The following SLC38A1 variants were observed in gnomAD, a reference collection of about 807,000 sequenced individuals.
SLC38A1 encodes the protein sodium-coupled neutral amino acid symporter 1.
Under a neutral mutation model 60.3 loss-of-function variants are expected in SLC38A1, and 18 were observed. The observed-to-expected ratio is 0.30, with a 90% CI of 0.21 to 0.44. The LOEUF (loss-of-function observed/expected upper bound fraction) is 0.44, where lower values mean the gene tolerates loss of function less well. SLC38A1 is among the 20% of genes least tolerant of loss of function. The pLI, the probability that SLC38A1 is intolerant of heterozygous loss-of-function variation, is 1.00. For missense variants in SLC38A1, 448 were observed against 587.2 expected (o/e 0.76, Z 2.45); for synonymous variants, 196 against 212.1 (o/e 0.92, Z 0.66).
rs993650361 is a variant in SLC38A1 at position 46,185,571 on chromosome 12, C to T, written c.*3399G>A. On this transcript the variant is annotated 3_prime_UTR_variant, in exon 17 of 17. Coordinates refer to ENST00000398637, the MANE Select transcript of SLC38A1 (RefSeq NM_030674.4). The stretch of plus-strand genomic sequence containing the variant: ...CACTAAAAACATTAAAAGTGCTGCG[C>T]GCTGGCCTCAATGACTGGTACATTG... 3.9e-5 allele frequency: 6 copies of T among 151,928 alleles called. No individual in the cohort carries two copies. The highest frequency in any genetic ancestry group is 8.8e-5 in the Non-Finnish European group (6 of 67,996). 9.4% of individuals were successfully genotyped at this position (151,928 alleles called of 1,614,324 possible). A position where few individuals can be genotyped will look rare whatever the true frequency, so the allele number is the denominator to read the frequency against.
intron 1 of SLC38A1, among the ~76,000 whole-genome samples, chr12:46,246,727 T>A (rs1941632647): frequency 6.6e-6 from 1 of 152,200 alleles, no homozygotes; most frequent in African/African-American, 2.4e-5. Context: ...TGACCCCCGT[T>A]TAGCCTAACT....
intron 3 of SLC38A1, among the ~76,000 whole-genome samples, chr12:46,230,729 C>G (rs1941042887): frequency 6.6e-6 from 1 of 152,132 alleles, no homozygotes; most frequent in Non-Finnish European, 1.5e-5. Flanking sequence ...AGTATCAAAA[C>G]TTTATAGCCT....
At chr12:46,240,291 G>A (rs1941402191) in intron 2 of SLC38A1, among the ~76,000 whole-genome samples, 1 of 152,132 alleles carries the variant, frequency 6.6e-6, no homozygotes, top group African/African-American at 2.4e-5. Context: ...CTGCTTCCCT[G>A]GTTCAAGCGA....
intron 11 of SLC38A1, 65 bp downstream of exon 11, chr12:46,204,236 G>T: frequency 2.0e-6 from 2 of 995,934 alleles, no homozygotes; most frequent in Non-Finnish European, 3.2e-6. Context: ...GCAATTACAA[G>T]CATGAGAAAT....
At chr12:46,223,388 C>T (rs895848977) in intron 5 of SLC38A1, among the ~76,000 whole-genome samples, 2 of 151,914 alleles carry the variant, frequency 1.3e-5, no homozygotes, top group African/African-American at 4.8e-5. Context: ...TAACAAATAT[C>T]TACAGTGTGT....
intron 14 of SLC38A1, among the ~76,000 whole-genome samples, chr12:46,198,365 A>G (rs1264710433): frequency 6.6e-6 from 1 of 152,082 alleles, no homozygotes; most frequent in Non-Finnish European, 1.5e-5. Context: ...CTGAGATTTG[A>G]ACATTCTATT....
intron 5 of SLC38A1, among the ~76,000 whole-genome samples, chr12:46,216,481 G>A (rs986908669): frequency 3.3e-5 from 5 of 152,148 alleles, no homozygotes; most frequent in African/African-American, 9.7e-5. Flanking sequence ...AGTGAGGCTC[G>A]AGGACAGGAA....
chr12:46,213,010 A>AAACATCTTTAATTCT (rs1940243929), intron 5 of SLC38A1, among the ~76,000 whole-genome samples: 1 of 152,154 alleles, frequency 6.6e-6, no homozygotes, highest in Non-Finnish European at 1.5e-5. Flanking sequence ...TCTTTAACTC[A>AAACATCTTTAATTCT]AACATCTTTA....
At chr12:46,252,062 A>G (rs1384992391) in intron 1 of SLC38A1, among the ~76,000 whole-genome samples, 1 of 152,228 alleles carries the variant, frequency 6.6e-6, no homozygotes. Context: ...GGCACTATTC[A>G]CAATAGGAAA....
intron 3 of SLC38A1, 35 bp downstream of exon 3, chr12:46,239,644 T>C (rs775810376): frequency 6.2e-7 from 1 of 1,611,114 alleles, no homozygotes; most frequent in Admixed American, 1.7e-5. Context: ...GCCATTTCTT[T>C]CACTGGATAG....
At chr12:46,214,797 G>A (rs1940329198) in intron 5 of SLC38A1, among the ~76,000 whole-genome samples, 2 of 152,172 alleles carry the variant, frequency 1.3e-5, no homozygotes, top group Non-Finnish European at 2.9e-5. Context: ...TCCCAACACA[G>A]CATCAGAACC....
At chr12:46,191,372 C>T (rs567849851) in intron 16 of SLC38A1, among the ~76,000 whole-genome samples, 1 of 152,128 alleles carries the variant, frequency 6.6e-6, no homozygotes, top group Non-Finnish European at 1.5e-5. Context: ...TAGCATGATG[C>T]CTCCAGCTTG....
intron 5 of SLC38A1, among the ~76,000 whole-genome samples, chr12:46,227,048 C>CA (rs112968984): frequency 0.12 from 14,144 of 114,366 alleles, 995 homozygotes; most frequent in East Asian, 0.36. Flanking sequence ...GACAAGTTTC[C>CA]AAAAAAAAAA....
chr12:46,224,469 C>T (rs551234178), intron 5 of SLC38A1, among the ~76,000 whole-genome samples: 18 of 152,230 alleles, frequency 1.2e-4, no homozygotes, highest in East Asian at 7.7e-4. Context: ...AAAAAGAAAT[C>T]GCACCAACAA....
At chr12:46,218,932 C>T (rs908549459) in intron 5 of SLC38A1, among the ~76,000 whole-genome samples, 2 of 152,104 alleles carry the variant, frequency 1.3e-5, no homozygotes, top group Non-Finnish European at 2.9e-5. Context: ...TCAGCTGATA[C>T]ATGGAGTACA....
chr12:46,198,516 T>C, intron 14 of SLC38A1, 109 bp downstream of exon 14: 1 of 685,886 alleles, frequency 1.5e-6, no homozygotes, highest in Non-Finnish European at 2.4e-6. Flanking sequence ...GCAGATTCAA[T>C]AACCCAGGAA....
chr12:46,257,492 C>G (rs1360781467), intron 1 of SLC38A1, among the ~76,000 whole-genome samples: 3 of 152,312 alleles, frequency 2.0e-5, no homozygotes, highest in African/African-American at 7.2e-5. Flanking sequence ...CAATCCCATT[C>G]TTTACCCAGG....
rs1471250461 is a variant in SLC38A1 at position 46,186,614 on chromosome 12, TCAA to T, written c.*2353_*2355del. 1 of 152,184 alleles carries T rather than the reference TCAA, an allele frequency of 6.6e-6. No homozygotes were observed. Among genetic ancestry groups the T allele is most frequent in the Admixed American group, 6.5e-5 (1 of 15,278 alleles). The allele number at this position is 152,184 out of a possible 1,614,324, so 9.4% of individuals were successfully genotyped here. On this transcript the variant is annotated 3_prime_UTR_variant, in exon 17 of 17. Coordinates refer to ENST00000398637, the MANE Select transcript of SLC38A1 (RefSeq NM_030674.4). ...TTATGGTAGGGTCTATTATATTCAG[TCAA>T]CAACAAATTTAGAGAAACATACAAA...
rs532960439 is a variant in SLC38A1, at chr12:46,183,149, CCA to C, written c.*5819_*5820del. 1.5e-3 allele frequency: 221 copies of C among 152,334 alleles called. No homozygotes were observed. Among genetic ancestry groups the C allele is most frequent in the African/African-American group, 5.0e-3 (206 of 41,384 alleles). The allele number at this position is 152,334 out of a possible 1,614,324, so 9.4% of individuals were successfully genotyped here. A position where few individuals can be genotyped will look rare whatever the true frequency, so the allele number is the denominator to read the frequency against. ...AACTTCTTATATTTCTTTATTTACA[CCA>C]CACTCTGAAAAAAAAAACCCAGTTC... On this transcript the variant is annotated 3_prime_UTR_variant, in exon 17 of 17. Transcript: ENST00000398637.
Sources: allele counts gnomAD v4.1 joint callset (sites outside exome capture counted in the v4.1 genomes callset), GRCh38; gene constraint gnomAD v4.1.1; transcripts MANE v1.5; gene names NCBI Gene and HGNC (gene_info 2026-07-23, HGNC 2026-07-21).